The following CHD6 variants were observed in gnomAD, a reference collection of about 807,000 sequenced individuals.
CHD6 encodes the protein ATP-dependent chromatin remodeler CHD6.
Under a neutral mutation model 276.9 loss-of-function variants are expected in CHD6, and 50 were observed. The ratio of observed to expected loss-of-function variants is 0.18; its 90% CI spans 0.14 to 0.23. The LOEUF is 0.23. Ranked by LOEUF, CHD6 falls within the 10% of genes least tolerant of loss-of-function variation. The probability of loss-of-function intolerance (pLI) is 1.00; values close to 1 mark genes in which losing one functional copy is unlikely to be tolerated. For synonymous variants in CHD6, 1,173 were observed against 1,229.3 expected, an observed-to-expected ratio of 0.95 and a Z score of 0.96; for missense variants, 2,564 against 3,365.8, an observed-to-expected ratio of 0.76 and a Z score of 5.89.
chr20:41,421,934 G>A lies in CHD6; in HGVS notation c.4701C>T (p.Pro1567=), dbSNP rs200084417. ...CCCACCAGACTGGGAGGTAGAGGCT[G>A]GGCCTGCACAGCTGGAGGCGTTCAT... ...QLHERLQLCR[P]SLYLPVWWEC... The change falls in exon 31 of 37, where the codon CCC becomes CCT. Residue 1567 remains proline, a synonymous_variant. Coordinates refer to ENST00000373233, the MANE Select transcript of CHD6 (RefSeq NM_032221.5). 8.7e-6 allele frequency: 14 copies of A among 1,614,224 alleles called. No individual in the cohort carries two copies. In the African/African-American group the frequency reaches 1.9e-4, roughly 22 times the overall value.
intron 2 of CHD6, among the ~76,000 whole-genome samples, chr20:41,544,553 T>C (rs532233071): frequency 6.6e-6 from 1 of 152,172 alleles, no homozygotes; most frequent in South Asian, 2.1e-4. Flanking sequence ...GTCTCATAAA[T>C]GCTAGTGACG....
At chr20:41,494,151 T>G (rs2145877023) in intron 8 of CHD6, among the ~76,000 whole-genome samples, 1 of 152,328 alleles carries the variant, frequency 6.6e-6, no homozygotes, top group Middle Eastern at 3.4e-3. Flanking sequence ...CTAACCATCT[T>G]AGTGGCTACA....
intron 27 of CHD6, 68 bp downstream of exon 27, chr20:41,437,206 C>T (rs750398807): frequency 1.8e-5 from 22 of 1,213,996 alleles, no homozygotes; most frequent in South Asian, 5.0e-5. Context: ...CAGATCACTA[C>T]CAAGATAGGG....
intron 16 of CHD6, among the ~76,000 whole-genome samples, chr20:41,481,316 ATAAAAT>A (rs2043290436): frequency 6.6e-6 from 1 of 152,046 alleles, no homozygotes; most frequent in South Asian, 2.1e-4. Flanking sequence ...ATACTCATAA[ATAAAAT>A]TAAAGAACAA....
intron 1 of CHD6, among the ~76,000 whole-genome samples, chr20:41,555,334 C>T (rs551420965): frequency 1.2e-4 from 17 of 144,782 alleles, no homozygotes; most frequent in African/African-American, 3.0e-4. Context: ...CCTCACCTCC[C>T]GGACGGGGCG....
Position 41,426,077 on chromosome 20 carries a change from A to C in CHD6, c.4129+16T>G, listed in dbSNP as rs1569065250. The C allele has an allele frequency of 6.3e-7, 1 of 1,577,178 alleles. No homozygotes were observed. Among genetic ancestry groups the C allele is most frequent in the Non-Finnish European group, 8.7e-7 (1 of 1,146,314 alleles). On this transcript the variant is annotated intron_variant, in intron 28 of 36. Transcript: ENST00000373233. ...AGACCTTACTTTCCTATGCCTTCAGAAGGACATAGTCTCACCTGCCCGGCT... is the reference window on the plus strand; with the variant it reads ...AGACCTTACTTTCCTATGCCTTCAGCAGGACATAGTCTCACCTGCCCGGCT...
intron 3 of CHD6, among the ~76,000 whole-genome samples, chr20:41,520,455 T>C (rs1472969820): frequency 6.6e-6 from 1 of 151,774 alleles, no homozygotes; most frequent in Non-Finnish European, 1.5e-5. Flanking sequence ...ATTAAGAAAA[T>C]GTGGCACATA....
chr20:41,468,879 G>A (rs1213374230), intron 17 of CHD6, among the ~76,000 whole-genome samples: 1 of 151,978 alleles, frequency 6.6e-6, no homozygotes, highest in African/African-American at 2.4e-5. Context: ...GCCAGGCATG[G>A]GGCTCATGAC....
chr20:41,442,637 C>T (rs1031236270), intron 25 of CHD6, among the ~76,000 whole-genome samples: 3 of 152,204 alleles, frequency 2.0e-5, no homozygotes, highest in African/African-American at 7.2e-5. Context: ...CTAAGTATCA[C>T]ATCTCCAGAG....
In CHD6 at chr20:41,402,281, T is replaced by C. The variant is rs1189208182; in HGVS notation, c.*2312A>G. Reference sequence around the variant, plus strand: ...ACGTCAAAATAATCATAAGAAGCACTTGTGCCTTACAGAGCAAATAATCCA... The same window carrying C: ...ACGTCAAAATAATCATAAGAAGCACCTGTGCCTTACAGAGCAAATAATCCA... On this transcript the variant is annotated 3_prime_UTR_variant, in exon 37 of 37. Coordinates refer to ENST00000373233, the MANE Select transcript of CHD6 (RefSeq NM_032221.5). 3 of 224,520 alleles carry C rather than the reference T, an allele frequency of 1.3e-5. No homozygotes were observed. Among genetic ancestry groups the C allele is most frequent in the African/African-American group, 6.7e-5 (3 of 44,882 alleles). 13.9% of individuals were successfully genotyped at this position (224,520 alleles called of 1,614,324 possible). A position where few individuals can be genotyped will look rare whatever the true frequency, so the allele number is the denominator to read the frequency against.
intron 2 of CHD6, among the ~76,000 whole-genome samples, chr20:41,544,651 TATAA>T (rs936455020): frequency 4.0e-5 from 6 of 150,560 alleles, no homozygotes; most frequent in African/African-American, 1.5e-4. Context: ...TTAATCATAC[TATAA>T]ATATTTTAAT....
Position 41,473,752 on chromosome 20 carries a change from AAAGC to A in CHD6, c.2469-239_2469-236del, listed in dbSNP as rs1373280485. ...ACAGAACAAAACAAAAAAACAAAAC[AAAGC>A]AAAAAAAAACCAGCTGTAAACTAAG... On this transcript the variant is annotated intron_variant, in intron 16 of 36. Transcript: ENST00000373233. The surrounding 1 kb of genome is among the most constrained non-coding windows in gnomAD (Gnocchi z 4.1). Among the ~76,000 whole-genome samples the A allele has an allele frequency of 1.3e-5, 2 of 151,780 alleles. No individual in the cohort carries two copies. Among genetic ancestry groups the A allele is most frequent in the African/African-American group, 4.8e-5 (2 of 41,346 alleles).
At chr20:41,425,108 A>T in intron 29 of CHD6, 70 bp downstream of exon 29, 1 of 1,229,386 alleles carries the variant, frequency 8.1e-7, no homozygotes, top group Non-Finnish European at 1.2e-6. Flanking sequence ...CCTCCAAGCT[A>T]CCGGCTTTAC....
intron 1 of CHD6, among the ~76,000 whole-genome samples, chr20:41,604,271 C>G (rs1340427129): frequency 1.3e-5 from 2 of 151,984 alleles, no homozygotes; most frequent in East Asian, 3.9e-4. Context: ...AAAATAGATT[C>G]TAGAGTCATC....
rs765218558 is a variant in CHD6, at chr20:41,421,199, G to T, written c.5436C>A (p.Ser1812=). ...TTTCATTTCCTGGATTCAAGGAAGGGGAAGCTAAACACTTGGCTTCCAGCT... is the reference window on the plus strand; with the variant it reads ...TTTCATTTCCTGGATTCAAGGAAGGTGAAGCTAAACACTTGGCTTCCAGCT... The part of the protein sequence containing the change: ...IGQLEAKCLA[S]PSLNPGNESG... The change falls in exon 31 of 37, where the codon TCC becomes TCA. Residue 1812 remains serine, a synonymous_variant. Coordinates refer to ENST00000373233, the MANE Select transcript of CHD6 (RefSeq NM_032221.5). 6.2e-7 allele frequency: 1 copy of T among 1,613,488 alleles called. No individual in the cohort carries two copies. The highest frequency in any genetic ancestry group is 1.7e-5 in the Admixed American group (1 of 59,954).
chr20:41,545,669 T>C (rs1172131153), intron 2 of CHD6, among the ~76,000 whole-genome samples: 1 of 152,198 alleles, frequency 6.6e-6, no homozygotes, highest in East Asian at 1.9e-4. Context: ...CATCTCTCCC[T>C]AGAGGATTTC....
At chr20:41,541,050 A>C (rs1568689595) in intron 2 of CHD6, among the ~76,000 whole-genome samples, 2 of 150,224 alleles carry the variant, frequency 1.3e-5, no homozygotes, top group African/African-American at 2.5e-5. Flanking sequence ...AAAAAAACCC[A>C]CATGTCCTCA....
rs2046627100 is a variant in CHD6, at chr20:41,404,945, G to T, written c.7796C>A (p.Pro2599His). ...CACAGGACTACTAGTAGTTATTGCA[G>T]GTTCAGACTGATCAGAAAATGGACC... The part of the protein sequence containing the change: ...GPGPFSDQSE[P>H]AITTSSPVAF... Residue 2599 changes from proline (P) to histidine (H), a missense_variant, in exon 37 of 37, where the codon CCT (proline) becomes CAT (histidine). This residue lies in a region of CHD6 where 238 missense variants were observed against 266.0 expected (regional missense o/e 0.89). Coordinates refer to ENST00000373233, the MANE Select transcript of CHD6 (RefSeq NM_032221.5). The T allele has an allele frequency of 6.2e-7, 1 of 1,614,224 alleles. No homozygotes were observed. Among genetic ancestry groups the T allele is most frequent in the Non-Finnish European group, 8.5e-7 (1 of 1,180,042 alleles).
Position 41,452,126 on chromosome 20 carries a change from T to C in CHD6, c.3324-101A>G, listed in dbSNP as rs1463219899. The C allele has an allele frequency of 1.2e-5, 11 of 904,524 alleles. No homozygotes were observed. The highest frequency in any genetic ancestry group is 1.8e-5 in the Non-Finnish European group (10 of 563,466). 56.0% of individuals were successfully genotyped at this position (904,524 alleles called of 1,614,324 possible). A position where few individuals can be genotyped will look rare whatever the true frequency, so the allele number is the denominator to read the frequency against. The stretch of plus-strand genomic sequence containing the variant: ...AAACAAGAGCCATACATGCTTTTTG[T>C]TCTCTGTAGGTCTGTTAATCATCCC... On this transcript the variant is annotated intron_variant, in intron 21 of 36. Transcript: ENST00000373233. This position sits in a 1 kb window ranked among gnomAD's most constrained non-coding sequence, Gnocchi z 4.2.
Sources: allele counts gnomAD v4.1 joint callset (sites outside exome capture counted in the v4.1 genomes callset), GRCh38; gene constraint gnomAD v4.1.1; regional missense constraint gnomAD v4.1.1; non-coding constraint Gnocchi (gnomAD v3.1); transcripts MANE v1.5; gene names NCBI Gene and HGNC (gene_info 2026-07-23, HGNC 2026-07-21).